Variants in FBLN1 observed in about 807,000 individuals in gnomAD.
FBLN1 encodes fibulin-1.
FBLN1 carries 34 observed loss-of-function variants against 89.7 expected under a neutral mutation model. The observed-to-expected ratio is 0.38, with a 90% CI of 0.29 to 0.50. The LOEUF (loss-of-function observed/expected upper bound fraction) is 0.50. Among genes scored for constraint, FBLN1 ranks in the 20% least tolerant of loss-of-function variants. FBLN1 has a pLI of 0.92. For missense variants in FBLN1, 777 were observed against 988.1 expected (o/e 0.79, Z 2.86); for synonymous variants, 393 against 391.3 (o/e 1.00, Z -0.05).
At chr22:45,566,927 C>G (rs979669136) in intron 14 of FBLN1, among the ~76,000 whole-genome samples, 2 of 152,230 alleles carry the variant, frequency 1.3e-5, no homozygotes, top group Non-Finnish European at 2.9e-5. Context: ...ACATAGAGTG[C>G]TGACCATGAG....
At chr22:45,544,211 C>T (rs955861007) in intron 11 of FBLN1, among the ~76,000 whole-genome samples, 7 of 152,136 alleles carry the variant, frequency 4.6e-5, no homozygotes, top group Non-Finnish European at 7.4e-5. Context: ...CTCAGCCTCC[C>T]GAATAGCTGG....
intron 14 of FBLN1, chr22:45,564,753 C>G: frequency 9.1e-7 from 1 of 1,099,422 alleles, no homozygotes; most frequent in Non-Finnish European, 1.3e-6. Context: ...GTGTTCCCAG[C>G]TCCTTGCAAG....
intron 1 of FBLN1, among the ~76,000 whole-genome samples, chr22:45,508,659 A>G (rs1363386846): frequency 6.6e-6 from 1 of 152,128 alleles, no homozygotes; most frequent in Non-Finnish European, 1.5e-5. Context: ...TATGAGCTTT[A>G]CAGTCAGAGC....
intron 16 of FBLN1, among the ~76,000 whole-genome samples, chr22:45,595,186 C>T (rs1010759069): frequency 4.6e-5 from 7 of 151,944 alleles, no homozygotes; most frequent in Non-Finnish European, 7.4e-5. Flanking sequence ...TGGGCAGGTC[C>T]GCTGACAGGG....
In FBLN1 at chr22:45,575,716, G is replaced by A. The variant is rs1017736433; in HGVS notation, c.1840+1063G>A. On this transcript the variant is annotated intron_variant, in intron 15 of 16. Coordinates refer to ENST00000327858, the MANE Select transcript of FBLN1 (RefSeq NM_006486.3). This position sits in a 1 kb window ranked among gnomAD's most constrained non-coding sequence, Gnocchi z 6.3. ...TTGTGTAACCTGCCATCACTGCACC[G>A]TTTCTCTGGAGCAGGGCCTGGGCTG... 2.0e-5 allele frequency among the ~76,000 whole-genome samples: 3 copies of A among 152,132 alleles called. No individual in the cohort carries two copies. Among genetic ancestry groups the A allele is most frequent in the Admixed American group, 6.5e-5 (1 of 15,282 alleles).
At chr22:45,571,094 C>T (rs2088949153) in intron 14 of FBLN1, among the ~76,000 whole-genome samples, 1 of 127,308 alleles carries the variant, frequency 7.9e-6, no homozygotes, top group Non-Finnish European at 1.6e-5. Context: ...GCATTCCAGC[C>T]TGGGAAACAA....
intron 14 of FBLN1, chr22:45,565,302 C>T (rs2088892875): frequency 7.8e-7 from 1 of 1,280,558 alleles, no homozygotes; most frequent in Non-Finnish European, 1.0e-6. Flanking sequence ...GAGGCCTGGC[C>T]TGATCTGGCC....
At chr22:45,547,506 C>T (rs1417967513) in intron 12 of FBLN1, among the ~76,000 whole-genome samples, 1 of 151,024 alleles carries the variant, frequency 6.6e-6, no homozygotes, top group Admixed American at 6.6e-5. Flanking sequence ...AGTGATCCTC[C>T]CACCTCAGCC....
rs894393005 is a variant in FBLN1, at chr22:45,556,186, G to C, written c.1697+5571G>C. On this transcript the variant is annotated intron_variant, in intron 14 of 16. Transcript: ENST00000327858. This position sits in a 1 kb window ranked among gnomAD's most constrained non-coding sequence, Gnocchi z 4.6. ...AATTTTTCTATTTTAAGTAGAGATG[G>C]GGTTTCACCATGTGGGTCAGGCTGG... Among the ~76,000 whole-genome samples, 28 of 152,112 alleles carry C rather than the reference G, an allele frequency of 1.8e-4. No individual in the cohort carries two copies. The highest frequency in any genetic ancestry group is 4.8e-4 in the African/African-American group (20 of 41,406).
intron 10 of FBLN1, among the ~76,000 whole-genome samples, chr22:45,542,878 G>A (rs1351400194): frequency 6.6e-6 from 1 of 152,240 alleles, no homozygotes; most frequent in Non-Finnish European, 1.5e-5. Context: ...GGAGCACGAG[G>A]CTCGCCCACC....
intron 7 of FBLN1, 34 bp from the exon 8 acceptor site, chr22:45,535,166 T>C: frequency 6.2e-7 from 1 of 1,613,856 alleles, no homozygotes; most frequent in Non-Finnish European, 8.5e-7. Flanking sequence ...GGCAGGACTC[T>C]TGCTAACAAT....
intron 16 of FBLN1, among the ~76,000 whole-genome samples, chr22:45,596,120 C>G (rs370265317): frequency 2.0e-5 from 3 of 152,238 alleles, no homozygotes; most frequent in Non-Finnish European, 2.9e-5. Context: ...CCGCCCGCCT[C>G]GGCCTCCCAA....
In FBLN1 at chr22:45,530,333, G is replaced by A. The variant is rs1451643486; in HGVS notation, c.485-932G>A. Among the ~76,000 whole-genome samples, 1 of 152,074 alleles carries A rather than the reference G, an allele frequency of 6.6e-6. No individual in the cohort carries two copies. Among genetic ancestry groups the A allele is most frequent in the Admixed American group, 6.6e-5 (1 of 15,266 alleles). ...TCTGGGCTTTTCTGCAGCTCCAGAT[G>A]TTAGATGTTTTATCTCTCCGTCTTT... On this transcript the variant is annotated intron_variant, in intron 4 of 16. Transcript: ENST00000327858. This position sits in a 1 kb window ranked among gnomAD's most constrained non-coding sequence, Gnocchi z 5.4.
intron 3 of FBLN1, 113 bp from the exon 4 acceptor site, chr22:45,527,734 C>T (rs2088348071): frequency 1.0e-5 from 11 of 1,090,198 alleles, no homozygotes; most frequent in South Asian, 7.6e-5. Context: ...TGAGTCATCA[C>T]TCTACAGGTT....
intron 16 of FBLN1, among the ~76,000 whole-genome samples, chr22:45,584,579 C>T (rs2089068908): frequency 6.6e-6 from 1 of 152,168 alleles, no homozygotes; most frequent in Non-Finnish European, 1.5e-5. Context: ...GCTTTCTTCT[C>T]AGTAAAATTG....
intron 8 of FBLN1, among the ~76,000 whole-genome samples, chr22:45,540,241 C>T (rs136753): frequency 0.36 from 54,092 of 152,112 alleles, 10,339 homozygotes; most frequent in Middle Eastern, 0.51. Context: ...ATTCAGTCTC[C>T]GGACCTTGGT....
chr22:45,534,123 A>G (rs1311753329), intron 7 of FBLN1, among the ~76,000 whole-genome samples: 3 of 152,126 alleles, frequency 2.0e-5, no homozygotes, highest in African/African-American at 7.2e-5. Flanking sequence ...GAACATTGAA[A>G]AAGTTGACAG....
At chr22:45,528,551 G>A (rs1454969900) in intron 4 of FBLN1, among the ~76,000 whole-genome samples, 1 of 151,998 alleles carries the variant, frequency 6.6e-6, no homozygotes, top group Admixed American at 6.6e-5. Context: ...CACCATGTTG[G>A]CCAGGCTGAT....
At chr22:45,535,098 A>C (rs1256773443) in intron 7 of FBLN1, 102 bp from the exon 8 acceptor site, 3 of 1,319,560 alleles carry the variant, frequency 2.3e-6, no homozygotes, top group Non-Finnish European at 3.3e-6. Flanking sequence ...TTATAGTCTG[A>C]GTAATGCGCA....
Sources: allele counts gnomAD v4.1 joint callset (sites outside exome capture counted in the v4.1 genomes callset), GRCh38; gene constraint gnomAD v4.1.1; non-coding constraint Gnocchi (gnomAD v3.1); transcripts MANE v1.5; gene names NCBI Gene and HGNC (gene_info 2026-07-23, HGNC 2026-07-21).